Variants in KLF7 observed in about 807,000 individuals in gnomAD.
KLF7 encodes KLF transcription factor 7.
Under a neutral mutation model 27.3 loss-of-function variants are expected in KLF7, and 2 were observed. The observed-to-expected ratio is 0.07, with a 90% CI of 0.03 to 0.23. The LOEUF is 0.23. Ranked by LOEUF, KLF7 falls within the 10% of genes least tolerant of loss-of-function variation. KLF7 has a pLI of 1.00. For missense variants in KLF7, 221 were observed against 394.1 expected (o/e 0.56, Z 3.72); for synonymous variants, 165 against 162.4 (o/e 1.02, Z -0.12).
At chr2:207,102,862 T>C (rs2076799468) in intron 2 of KLF7, among the ~76,000 whole-genome samples, 1 of 152,192 alleles carries the variant, frequency 6.6e-6, no homozygotes, top group Admixed American at 6.5e-5. Context: ...AATTGCTTGT[T>C]GACATATGAC....
At position 207,081,150 on chromosome 2, in the gene KLF7, C is replaced by A; in HGVS notation, c.*63G>T. ...GGGTCCCCGCCTGAAGTCCAGCCCC[C>A]TGCCTCATGGCGTTTCCTTTAGACA... On this transcript the variant is annotated 3_prime_UTR_variant, in exon 4 of 4. Transcript: ENST00000309446. The A allele has an allele frequency of 6.7e-7, 1 of 1,486,162 alleles. No homozygotes were observed. Among genetic ancestry groups the A allele is most frequent in the Non-Finnish European group, 9.4e-7 (1 of 1,063,654 alleles). 92.1% of individuals were successfully genotyped at this position (1,486,162 alleles called of 1,614,324 possible).
intron 1 of KLF7, among the ~76,000 whole-genome samples, chr2:207,154,167 T>A (rs1372998797): frequency 6.6e-6 from 1 of 152,174 alleles, no homozygotes; most frequent in Non-Finnish European, 1.5e-5. Context: ...AAAAATCCGA[T>A]CTGAGATATT....
At chr2:207,093,396 C>G (rs992358003) in intron 2 of KLF7, among the ~76,000 whole-genome samples, 10 of 152,192 alleles carry the variant, frequency 6.6e-5, no homozygotes, top group Non-Finnish European at 1.0e-4. Flanking sequence ...CACCACATTG[C>G]TGCCCTGCCT....
intron 2 of KLF7, among the ~76,000 whole-genome samples, chr2:207,096,495 A>C (rs1452875467): frequency 6.6e-6 from 1 of 152,222 alleles, no homozygotes; most frequent in African/African-American, 2.4e-5. Flanking sequence ...ATGACATTTA[A>C]GCTGAGATAC....
At chr2:207,116,356 A>G (rs1210626571) in intron 2 of KLF7, among the ~76,000 whole-genome samples, 4 of 152,224 alleles carry the variant, frequency 2.6e-5, no homozygotes, top group Non-Finnish European at 4.4e-5. Context: ...ATCTGTCCTT[A>G]TATTTTAATT....
At chr2:207,110,742 T>C (rs1456749961) in intron 2 of KLF7, among the ~76,000 whole-genome samples, 1 of 152,242 alleles carries the variant, frequency 6.6e-6, no homozygotes, top group African/African-American at 2.4e-5. Flanking sequence ...ATCTAAATCC[T>C]GACAGAAATA....
At position 207,108,357 on chromosome 2, in the gene KLF7, A is replaced by C. The variant is rs114675955; in HGVS notation, c.733+15417T>G. 3.5e-3 allele frequency among the ~76,000 whole-genome samples: 526 copies of C among 152,332 alleles called. 2 individuals carry two copies. Among genetic ancestry groups the C allele is most frequent in the African/African-American group, 0.012 (509 of 41,564 alleles). On this transcript the variant is annotated intron_variant, in intron 2 of 3. Transcript: ENST00000309446. ...GGGGCCCCGCCAATTCTAACGACTT[A>C]TTAAGATTATTTCCACGGCAGGTAG...
intron 1 of KLF7, among the ~76,000 whole-genome samples, chr2:207,137,921 T>C (rs773368317): frequency 1.6e-4 from 25 of 152,214 alleles, no homozygotes; most frequent in Non-Finnish European, 4.4e-5. Context: ...TGCCCAATTC[T>C]GAACCCCATT....
At chr2:207,134,454 T>C (rs2077728848) in intron 1 of KLF7, among the ~76,000 whole-genome samples, 1 of 152,070 alleles carries the variant, frequency 6.6e-6, no homozygotes, top group Non-Finnish European at 1.5e-5. Flanking sequence ...ACGGAGAGCT[T>C]TGAGGAACTT....
intron 1 of KLF7, among the ~76,000 whole-genome samples, chr2:207,142,994 T>C (rs981243673): frequency 5.3e-5 from 8 of 152,204 alleles, no homozygotes; most frequent in Non-Finnish European, 8.8e-5. Context: ...TGAAACCCAG[T>C]AGCCGTATTA....
intron 3 of KLF7, among the ~76,000 whole-genome samples, chr2:207,084,002 G>C (rs1053521142): frequency 6.6e-6 from 1 of 152,118 alleles, no homozygotes; most frequent in Non-Finnish European, 1.5e-5. Flanking sequence ...GACTTGTGTT[G>C]GACTTCTAAC....
chr2:207,113,619 GGA>G (rs3033946), intron 2 of KLF7, among the ~76,000 whole-genome samples: 2,339 of 125,742 alleles, frequency 0.019, 101 homozygotes, highest in Non-Finnish European at 0.025. Context: ...GGGGGGGGGG[GGA>G]AATGATGCAG....
At chr2:207,136,024 T>C (rs543328005) in intron 1 of KLF7, among the ~76,000 whole-genome samples, 14 of 152,226 alleles carry the variant, frequency 9.2e-5, no homozygotes, top group African/African-American at 3.4e-4. Context: ...GAGAAGCAAT[T>C]AGGATGAGTG....
intron 1 of KLF7, among the ~76,000 whole-genome samples, chr2:207,139,918 T>A (rs1259286589): frequency 1.3e-5 from 2 of 152,204 alleles, no homozygotes; most frequent in Admixed American, 1.3e-4. Flanking sequence ...TCTTTCTTTT[T>A]TGAGACAGTC....
At chr2:207,112,410 C>T (rs2077062311) in intron 2 of KLF7, among the ~76,000 whole-genome samples, 1 of 152,114 alleles carries the variant, frequency 6.6e-6, no homozygotes, top group African/African-American at 2.4e-5. Context: ...TCCATAAAGC[C>T]TGAATTTATC....
intron 1 of KLF7, among the ~76,000 whole-genome samples, chr2:207,129,491 A>C (rs1199152654): frequency 6.6e-6 from 1 of 152,204 alleles, no homozygotes; most frequent in African/African-American, 2.4e-5. Flanking sequence ...GATTCTCTTG[A>C]TATCTCAACT....
chr2:207,149,153 A>T, intron 1 of KLF7: 9 of 1,288,512 alleles, frequency 7.0e-6, no homozygotes, highest in Non-Finnish European at 9.1e-6. Flanking sequence ...ATAGTCAATA[A>T]TAAGAAACTG....
chr2:207,154,294 C>G (rs926162432), intron 1 of KLF7, among the ~76,000 whole-genome samples: 1 of 152,046 alleles, frequency 6.6e-6, no homozygotes, highest in African/African-American at 2.4e-5. Flanking sequence ...ATGCCTAATT[C>G]TGGCTCTTAA....
At chr2:207,115,164 A>G (rs962099518) in intron 2 of KLF7, among the ~76,000 whole-genome samples, 1 of 151,936 alleles carries the variant, frequency 6.6e-6, no homozygotes, top group South Asian at 2.1e-4. Context: ...GAAGAAAAAA[A>G]AAGATGTCAG....
Sources: gnomAD v4.1 joint callset for allele counts (sites outside exome capture counted in the v4.1 genomes callset) on GRCh38, gnomAD v4.1.1 for gene constraint, MANE v1.5 for transcripts, NCBI Gene and HGNC (gene_info 2026-07-23, HGNC 2026-07-21) for gene names.